C13orf42: variants seen among roughly 807,000 people sequenced by gnomAD.
C13orf42 encodes the protein uncharacterized protein C13orf42.
intron 1 of C13orf42, among the ~76,000 whole-genome samples, chr13:51,142,920 G>C (rs1934742): frequency 0.49 from 74,761 of 151,892 alleles, 18,538 homozygotes; most frequent in African/African-American, 0.54. Flanking sequence ...GTCAGTGTAA[G>C]CCACAATAAG....
intron 1 of C13orf42, among the ~76,000 whole-genome samples, chr13:51,105,977 T>C (rs1953351117): frequency 6.6e-6 from 1 of 152,168 alleles, no homozygotes; most frequent in Non-Finnish European, 1.5e-5. Context: ...TGTTGAAAAA[T>C]GATTTCAGGA....
At chr13:51,125,485 C>T (rs1953569457) in intron 1 of C13orf42, among the ~76,000 whole-genome samples, 1 of 152,142 alleles carries the variant, frequency 6.6e-6, no homozygotes, top group Non-Finnish European at 1.5e-5. Context: ...AAATGGCTGG[C>T]CCTTTCAATG....
intron 3 of C13orf42, among the ~76,000 whole-genome samples, chr13:51,085,029 A>C (rs1953106950): frequency 6.6e-6 from 1 of 152,092 alleles, no homozygotes; most frequent in South Asian, 2.1e-4. Context: ...GGGGAAATCC[A>C]TGAAGGTGGA....
intron 1 of C13orf42, among the ~76,000 whole-genome samples, chr13:51,163,032 T>C (rs1354098068): frequency 6.6e-6 from 1 of 152,158 alleles, no homozygotes; most frequent in Non-Finnish European, 1.5e-5. Context: ...TTCCTTTCTC[T>C]CTGAAATCTT....
At chr13:51,120,632 A>T (rs1291338276) in intron 1 of C13orf42, among the ~76,000 whole-genome samples, 1 of 152,198 alleles carries the variant, frequency 6.6e-6, no homozygotes, top group Non-Finnish European at 1.5e-5. Flanking sequence ...AAAAGGCACC[A>T]GATGTGGAGT....
intron 1 of C13orf42, among the ~76,000 whole-genome samples, chr13:51,167,242 C>T (rs1425631225): frequency 6.6e-6 from 1 of 150,518 alleles, no homozygotes; most frequent in Non-Finnish European, 1.5e-5. Flanking sequence ...ACACATACAA[C>T]ACACACACAC....
chr13:51,086,501 TGTGA>T (rs1455758619), intron 2 of C13orf42, among the ~76,000 whole-genome samples: 1 of 150,916 alleles, frequency 6.6e-6, no homozygotes, highest in Non-Finnish European at 1.5e-5. Context: ...AGAGTGTGTG[TGTGA>T]GAGAGAGAGT....
chr13:51,115,238 A>G (rs1953478317), upstream of C13orf42, among the ~76,000 whole-genome samples: 3 of 152,218 alleles, frequency 2.0e-5, no homozygotes, highest in African/African-American at 7.2e-5. Flanking sequence ...CACAGGCTCA[A>G]ATGGGCCATC....
intron 1 of C13orf42, among the ~76,000 whole-genome samples, chr13:51,169,540 T>C (rs989993492): frequency 3.9e-5 from 6 of 152,104 alleles, no homozygotes; most frequent in African/African-American, 1.4e-4. Flanking sequence ...ATTTCAGAGG[T>C]CTTTGCAGCA....
chr13:51,163,421 G>A (rs1384845606), intron 1 of C13orf42, among the ~76,000 whole-genome samples: 1 of 152,138 alleles, frequency 6.6e-6, no homozygotes, highest in South Asian at 2.1e-4. Context: ...TGTCCCAGAG[G>A]TCAAAGAAGA....
In C13orf42 at chr13:51,167,112, A is replaced by G. The variant is rs1000504260; in HGVS notation, n.136+5141T>C. Reference sequence around the variant, plus strand: ...AACAAAAAACCAAAAACCAACAAATATGAAACACCTGATGGCCAATATTTG... The same window carrying G: ...AACAAAAAACCAAAAACCAACAAATGTGAAACACCTGATGGCCAATATTTG... On this transcript the variant is annotated intron_variant and non_coding_transcript_variant, in intron 1 of 4. Coordinates refer to the C13orf42 transcript ENST00000433280. Among the ~76,000 whole-genome samples the G allele has an allele frequency of 3.9e-5, 6 of 152,050 alleles. No individual in the cohort carries two copies. The East Asian group carries it at 1.2e-3, about 29-fold the overall frequency.
intron 1 of C13orf42, among the ~76,000 whole-genome samples, chr13:51,124,950 AT>A (rs147861697): frequency 4.1e-4 from 62 of 151,602 alleles, no homozygotes; most frequent in African/African-American, 1.4e-3. Flanking sequence ...GGTTAAATGA[AT>A]TTTTTTTTCC....
chr13:51,140,849 A>C (rs1005359536), intron 1 of C13orf42, among the ~76,000 whole-genome samples: 1 of 152,152 alleles, frequency 6.6e-6, no homozygotes, highest in African/African-American at 2.4e-5. Flanking sequence ...TAGGTAAAAA[A>C]CTGGTTTGGG....
At chr13:51,150,666 A>G (rs1019080215) in intron 1 of C13orf42, among the ~76,000 whole-genome samples, 1 of 152,224 alleles carries the variant, frequency 6.6e-6, no homozygotes, top group East Asian at 1.9e-4. Flanking sequence ...GGACTAATCC[A>G]GATGAGCCCA....
At chr13:51,095,610 A>T (rs73483801) in intron 1 of C13orf42, among the ~76,000 whole-genome samples, 7,505 of 150,584 alleles carry the variant, frequency 0.05, 320 homozygotes, top group African/African-American at 0.13. Flanking sequence ...AAGTCTGCTG[A>T]TTTTTTCCAC....
At chr13:51,154,313 T>C (rs1016362735) in intron 1 of C13orf42, among the ~76,000 whole-genome samples, 3 of 152,246 alleles carry the variant, frequency 2.0e-5, no homozygotes, top group African/African-American at 7.2e-5. Flanking sequence ...ACTATCTCTT[T>C]GAGTCCCTGC....
intron 1 of C13orf42, among the ~76,000 whole-genome samples, chr13:51,130,853 T>TAAAAA (rs146562175): frequency 6.8e-6 from 1 of 147,936 alleles, no homozygotes; most frequent in African/African-American, 2.5e-5. Flanking sequence ...GTGTTTTTGG[T>TAAAAA]AAAAAAAAAA....
intron 1 of C13orf42, among the ~76,000 whole-genome samples, chr13:51,133,852 TC>T (rs1953637537): frequency 6.6e-6 from 1 of 152,076 alleles, no homozygotes; most frequent in African/African-American, 2.4e-5. Context: ...GGAAACTGAC[TC>T]CAAAGGGCCT....
At chr13:51,113,715 G>A (rs1953457918), upstream of C13orf42, among the ~76,000 whole-genome samples, 1 of 152,090 alleles carries the variant, frequency 6.6e-6, no homozygotes, top group Non-Finnish European at 1.5e-5. Flanking sequence ...ACAGGAGTGA[G>A]CAACCATACC....
Sources: allele counts gnomAD v4.1 joint callset (sites outside exome capture counted in the v4.1 genomes callset), GRCh38; gene constraint gnomAD v4.1.1; transcripts MANE v1.5; gene names NCBI Gene and HGNC (gene_info 2026-07-23, HGNC 2026-07-21).